TOM1: variants seen among roughly 807,000 people sequenced by gnomAD.
TOM1 encodes target of Myb protein 1.
TOM1 carries 38 observed loss-of-function variants against 61.3 expected under a neutral mutation model. The ratio of observed to expected loss-of-function variants is 0.62; its 90% CI spans 0.48 to 0.81. TOM1 has a LOEUF of 0.81. TOM1 is among the 40% of genes least tolerant of loss of function. The pLI, the probability that TOM1 is intolerant of heterozygous loss-of-function variation, is 0.00. For synonymous variants in TOM1, 270 were observed against 268.8 expected (o/e 1.00, Z -0.04); for missense variants, 591 against 659.6 (o/e 0.90, Z 1.14).
intron 12 of TOM1, chr22:35,344,363 G>A (rs1930320894): frequency 6.6e-6 from 1 of 152,376 alleles, no homozygotes; most frequent in Admixed American, 6.5e-5. Flanking sequence ...TGGGACCCAG[G>A]AGAAGGCCCA....
rs1204718318 is a variant in TOM1, at chr22:35,338,762, G to T, written c.1198G>T (p.Asp400Tyr). The T allele has an allele frequency of 1.2e-6, 2 of 1,601,908 alleles. No individual in the cohort carries two copies. The highest frequency in any genetic ancestry group is 2.2e-5 in the South Asian group (2 of 88,948). The change falls in exon 12 of 15, where the codon GAC becomes TAC. Residue 400 changes from aspartate to tyrosine, a missense_variant. Transcript: ENST00000449058. ...AACAGACGGCCTGGCTGGAGCCCTG[G>T]ACGCCCGGCAGCAGAGCACTGGCGC... is the stretch of plus-strand genomic sequence containing the variant. ...QATDGLAGAL[D>Y]ARQQSTGAIP...
chr22:35,306,565 T>G (rs983976241), intron 1 of TOM1, among the ~76,000 whole-genome samples: 2 of 152,328 alleles, frequency 1.3e-5, no homozygotes, highest in South Asian at 4.1e-4. Flanking sequence ...AACAGCTTTG[T>G]TACCAGGAGC....
At chr22:35,317,156 GAATGGTTACCA>G (rs1321613945) in intron 1 of TOM1, among the ~76,000 whole-genome samples, 1 of 152,192 alleles carries the variant, frequency 6.6e-6, no homozygotes, top group Non-Finnish European at 1.5e-5. Context: ...TGTATCCTGT[GAATGGTTACCA>G]ACTCAAAAGA....
chr22:35,321,725 C>G, intron 2 of TOM1: 1 of 651,868 alleles, frequency 1.5e-6, no homozygotes, highest in Non-Finnish European at 2.9e-6. Flanking sequence ...ACAAAACGCT[C>G]TCATCTTTTC....
intron 1 of TOM1, among the ~76,000 whole-genome samples, chr22:35,304,710 C>T (rs929653988): frequency 1.3e-5 from 2 of 152,220 alleles, no homozygotes; most frequent in African/African-American, 4.8e-5. Context: ...GATCTCCTGA[C>T]CTCATGAACC....
rs1216891426 is a variant in TOM1, at chr22:35,299,922, A to G, written c.-7A>G. ...TCCCGGGGTTGGTGGCAGCGGCGGT[A>G]GCAGCAATGGACTTTCTCCTGGGGA... is the stretch of plus-strand genomic sequence containing the variant. On this transcript the variant is annotated 5_prime_UTR_variant, in exon 1 of 15. Transcript: ENST00000449058. 2 of 1,580,538 alleles carry G rather than the reference A, an allele frequency of 1.3e-6. No homozygotes were observed. The highest frequency in any genetic ancestry group is 1.1e-5 in the South Asian group (1 of 87,280).
intron 1 of TOM1, among the ~76,000 whole-genome samples, chr22:35,300,432 G>T (rs1056419136): frequency 3.3e-5 from 5 of 152,230 alleles, no homozygotes; most frequent in Non-Finnish European, 7.3e-5. Context: ...TCCCAGGACC[G>T]CGAAGCCCCG....
chr22:35,325,862 T>A (rs1928264537), intron 6 of TOM1, among the ~76,000 whole-genome samples: 2 of 152,224 alleles, frequency 1.3e-5, no homozygotes, highest in Admixed American at 6.5e-5. Context: ...ACATCAGGTG[T>A]GCAGTGATGT....
intron 1 of TOM1, among the ~76,000 whole-genome samples, chr22:35,306,024 A>G (rs1438032536): frequency 6.6e-6 from 1 of 152,236 alleles, no homozygotes; most frequent in East Asian, 1.9e-4. Context: ...GCACAAAAGC[A>G]GCTACATAGG....
intron 1 of TOM1, among the ~76,000 whole-genome samples, chr22:35,302,365 C>A (rs1483722807): frequency 8.3e-5 from 8 of 96,324 alleles, no homozygotes; most frequent in Non-Finnish European, 1.3e-4. Context: ...GACTGCGTTT[C>A]GCTCTTGTTG....
intron 8 of TOM1, among the ~76,000 whole-genome samples, chr22:35,332,320 T>TGCTTTCAA (rs1163539698): frequency 6.6e-6 from 1 of 152,186 alleles, no homozygotes; most frequent in Non-Finnish European, 1.5e-5. Flanking sequence ...TATCTGACTG[T>TGCTTTCAA]GCTTTCAAGC....
At position 35,304,356 on chromosome 22, in the gene TOM1, G is replaced by A. The variant is rs577710799; in HGVS notation, c.52+4376G>A. Among the ~76,000 whole-genome samples the A allele has an allele frequency of 3.4e-4, 52 of 152,302 alleles. 1 individual carries two copies. Among genetic ancestry groups the A allele is most frequent in the African/African-American group, 8.9e-4 (37 of 41,562 alleles). On this transcript the variant is annotated intron_variant, in intron 1 of 14. Coordinates refer to ENST00000449058, the MANE Select transcript of TOM1 (RefSeq NM_005488.3). ...GGGGAGCTTCCCAAGGGCAGCACCC[G>A]TAGCTGAGAGGATTCCAGATCCTTT...
chr22:35,330,450 A>G lies in TOM1; in HGVS notation c.869A>G (p.Asn290Ser), dbSNP rs1232964961. The G allele has an allele frequency of 1.9e-6, 3 of 1,613,012 alleles. No homozygotes were observed. Among genetic ancestry groups the G allele is most frequent in the African/African-American group, 2.7e-5 (2 of 74,828 alleles). ...GAGGAGCTGCTCATCGTCAATGACA[A>G]TCTCAACAATGTGTTCCTGCGCCAT... is the stretch of plus-strand genomic sequence containing the variant. ...LTEELLIVNDNLNNVFLRHER... is the reference protein window; with the variant it reads ...LTEELLIVNDSLNNVFLRHER... Residue 290 changes from asparagine to serine, a missense_variant, in exon 8 of 15, where the codon AAT becomes AGT. Asn to Ser is a conservative substitution (Grantham distance 46). Transcript: ENST00000449058.
At chr22:35,312,273 CAGG>C (rs1309823720) in intron 1 of TOM1, among the ~76,000 whole-genome samples, 1 of 151,166 alleles carries the variant, frequency 6.6e-6, no homozygotes, top group East Asian at 1.9e-4. Context: ...AAGGGGAGTT[CAGG>C]AGTTCAGCTG....
At chr22:35,345,987 GGCT>G (rs1030728245) in intron 13 of TOM1, among the ~76,000 whole-genome samples, 1 of 152,186 alleles carries the variant, frequency 6.6e-6, no homozygotes, top group African/African-American at 2.4e-5. Flanking sequence ...GTAGCCTCTC[GGCT>G]GCTTCCCAGA....
chr22:35,303,469 TC>T (rs1224156754), intron 1 of TOM1, among the ~76,000 whole-genome samples: 1 of 151,644 alleles, frequency 6.6e-6, no homozygotes, highest in Admixed American at 6.6e-5. Flanking sequence ...CATTAGCTCT[TC>T]CTGTCATCAT....
At position 35,334,157 on chromosome 22, in the gene TOM1, C is replaced by T. The variant is rs560628637; in HGVS notation, c.1028-171C>T. Among the ~76,000 whole-genome samples the T allele has an allele frequency of 6.6e-5, 10 of 152,290 alleles. No homozygotes were observed. In the East Asian group the frequency reaches 1.2e-3, roughly 18 times the overall value. On this transcript the variant is annotated intron_variant, in intron 10 of 14. Coordinates refer to ENST00000449058, the MANE Select transcript of TOM1 (RefSeq NM_005488.3). The stretch of plus-strand genomic sequence containing the variant: ...TAAACTAAAGCTGGGAAGAGGAAGC[C>T]GCTTGCCCAAGGCCCCACAGCCAGC...
intron 2 of TOM1, among the ~76,000 whole-genome samples, chr22:35,320,342 C>A (rs1927659045): frequency 1.3e-5 from 2 of 152,148 alleles, no homozygotes. Flanking sequence ...GCAGTCAGGG[C>A]AGCACTGAGT....
intron 13 of TOM1, 71 bp downstream of exon 13, chr22:35,345,855 G>A: frequency 2.0e-6 from 3 of 1,532,912 alleles, no homozygotes; most frequent in Non-Finnish European, 1.8e-6. Context: ...TGACCCATGG[G>A]GCCAGGGTAG....
Sources: allele counts gnomAD v4.1 joint callset (sites outside exome capture counted in the v4.1 genomes callset), GRCh38; gene constraint gnomAD v4.1.1; transcripts MANE v1.5; gene names NCBI Gene and HGNC (gene_info 2026-07-23, HGNC 2026-07-21).